Variants in ATP8B4 observed in about 807,000 individuals in gnomAD.
ATP8B4 encodes ATPase phospholipid transporting 8B4 (putative).
A neutral mutation model predicts 145.6 loss-of-function variants in ATP8B4; 133 were observed. That is an observed-to-expected ratio of 0.91 (90% CI 0.79 to 1.05). The LOEUF (loss-of-function observed/expected upper bound fraction) is 1.05. Ranked by LOEUF, ATP8B4 falls within the 50% of genes least tolerant of loss-of-function variation. ATP8B4 has a pLI of 0.00. For missense variants in ATP8B4, 1,458 were observed against 1,425.2 expected (o/e 1.02, Z -0.37); for synonymous variants, 507 against 492.9 (o/e 1.03, Z -0.38).
Position 50,044,593 on chromosome 15 carries a change from C to G in ATP8B4, c.300+1G>C. 6.2e-7 allele frequency: 1 copy of G among 1,600,378 alleles called. No individual in the cohort carries two copies. The highest frequency in any genetic ancestry group is 8.6e-7 in the Non-Finnish European group (1 of 1,168,534). ...AAGAATGCTCAAGAGCAAATACTCA[C>G]ATAGTCATCTGTGGCATCTTTGACA... On this transcript the variant is annotated splice_donor_variant, in intron 5 of 27. Coordinates refer to ENST00000284509, the MANE Select transcript of ATP8B4 (RefSeq NM_024837.4). LOFTEE classifies it high-confidence loss of function.
At chr15:50,070,977 G>A (rs910683215) in intron 3 of ATP8B4, among the ~76,000 whole-genome samples, 20 of 152,026 alleles carry the variant, frequency 1.3e-4, no homozygotes, top group Admixed American at 2.0e-4. Context: ...TCCTGACCTC[G>A]TGATCCACCC....
chr15:50,144,078 T>C (rs972423217), intron 1 of ATP8B4, among the ~76,000 whole-genome samples: 6 of 152,166 alleles, frequency 3.9e-5, no homozygotes, highest in Non-Finnish European at 7.3e-5. Context: ...GGTCCCTTTG[T>C]TTTACCAAAG....
chr15:50,128,509 C>T (rs756575323), intron 1 of ATP8B4, among the ~76,000 whole-genome samples: 27 of 152,188 alleles, frequency 1.8e-4, no homozygotes, highest in African/African-American at 4.8e-5. Flanking sequence ...ATCCAGAGGA[C>T]CTGGCATGGA....
At chr15:49,907,524 C>T (rs1406466212) in intron 20 of ATP8B4, among the ~76,000 whole-genome samples, 1 of 152,132 alleles carries the variant, frequency 6.6e-6, no homozygotes, top group African/African-American at 2.4e-5. Flanking sequence ...AGATTGGGAT[C>T]AGTGGCTGAA....
intron 7 of ATP8B4, among the ~76,000 whole-genome samples, chr15:50,006,489 CAA>C (rs750033683): frequency 5.0e-4 from 24 of 47,840 alleles, no homozygotes; most frequent in African/African-American, 1.4e-3. Flanking sequence ...ATGAGACCAC[CAA>C]AAAAAAAAAA....
chr15:50,072,546 G>C (rs942474224), intron 3 of ATP8B4, among the ~76,000 whole-genome samples: 3 of 151,976 alleles, frequency 2.0e-5, no homozygotes, highest in Non-Finnish European at 2.9e-5. Flanking sequence ...CACTTAAACT[G>C]TTCAGTACAA....
chr15:50,157,760 C>T (rs540142398), intron 1 of ATP8B4, among the ~76,000 whole-genome samples: 9 of 152,134 alleles, frequency 5.9e-5, no homozygotes, highest in East Asian at 3.9e-4. Context: ...CCTCTCCCCA[C>T]GGTCTCCCTC....
intron 3 of ATP8B4, among the ~76,000 whole-genome samples, chr15:50,064,238 C>T (rs2053224435): frequency 6.6e-6 from 1 of 152,104 alleles, no homozygotes; most frequent in Admixed American, 6.6e-5. Flanking sequence ...ACAATGATGT[C>T]ACCATCTATA....
At chr15:50,016,906 T>C (rs2049133493) in intron 6 of ATP8B4, among the ~76,000 whole-genome samples, 1 of 152,226 alleles carries the variant, frequency 6.6e-6, no homozygotes. Context: ...CATGTATTTA[T>C]AACATTCCCT....
rs190563777 is a variant in ATP8B4 at position 49,897,037 on chromosome 15, T to C, written c.2697+255A>G. ...AAAAACATTTCAACAAAAACTAAAG[T>C]ATGCATGGAAGGAGTACTCACTGGT... On this transcript the variant is annotated intron_variant, in intron 23 of 27. Coordinates refer to ENST00000284509, the MANE Select transcript of ATP8B4 (RefSeq NM_024837.4). The C allele has an allele frequency of 4.3e-4, 163 of 379,682 alleles. No homozygotes were observed. The East Asian group carries it at 6.1e-3, about 14-fold the overall frequency. 23.5% of individuals were successfully genotyped at this position (379,682 alleles called of 1,614,324 possible).
rs556577521 is a variant in ATP8B4 at position 49,931,903 on chromosome 15, C to T, written c.1454-596G>A. ...AAGAAATCAAACCAGGATATTAATA[C>T]TTGTTACCTGATATTATGTGTAGTT... is the stretch of plus-strand genomic sequence containing the variant. On this transcript the variant is annotated intron_variant, in intron 15 of 27. Coordinates refer to ENST00000284509, the MANE Select transcript of ATP8B4 (RefSeq NM_024837.4). Among the ~76,000 whole-genome samples the T allele has an allele frequency of 6.6e-5, 10 of 151,742 alleles. No homozygotes were observed. The South Asian group carries it at 1.5e-3, about 22-fold the overall frequency.
At chr15:49,970,647 C>T (rs1327357486) in intron 13 of ATP8B4, among the ~76,000 whole-genome samples, 1 of 152,116 alleles carries the variant, frequency 6.6e-6, no homozygotes, top group African/African-American at 2.4e-5. Context: ...GGAAAACATC[C>T]CATGCTCATG....
chr15:50,040,092 C>G (rs2051157370), intron 5 of ATP8B4, among the ~76,000 whole-genome samples: 3 of 152,224 alleles, frequency 2.0e-5, no homozygotes, highest in Admixed American at 2.0e-4. Context: ...TCCACCATAT[C>G]TACACAGCAT....
chr15:50,066,003 G>GAA (rs67307430), intron 3 of ATP8B4, among the ~76,000 whole-genome samples: 6 of 106,138 alleles, frequency 5.7e-5, no homozygotes, highest in African/African-American at 2.1e-4. Flanking sequence ...TCAGAGGCCA[G>GAA]AAAAAAAAAA....
At position 50,080,595 on chromosome 15, in the gene ATP8B4, G is replaced by C. The variant is rs144844335; in HGVS notation, c.29-6410C>G. ...AGAGGGACATAATACTATCTTGCTA[G>C]AATTTTTTTTTTTAATAAGTAGAGA... On this transcript the variant is annotated intron_variant, in intron 2 of 27. Coordinates refer to ENST00000284509, the MANE Select transcript of ATP8B4 (RefSeq NM_024837.4). Among the ~76,000 whole-genome samples, 73 of 151,732 alleles carry C rather than the reference G, an allele frequency of 4.8e-4. No homozygotes were observed. The East Asian group carries it at 7.8e-3, about 16-fold the overall frequency.
At chr15:50,085,938 T>G (rs1308251771) in intron 2 of ATP8B4, among the ~76,000 whole-genome samples, 1 of 75,370 alleles carries the variant, frequency 1.3e-5, no homozygotes, top group African/African-American at 7.5e-5. Flanking sequence ...CATATATATT[T>G]ATATATGATA....
chr15:49,937,835 A>G (rs2041858713), intron 14 of ATP8B4, among the ~76,000 whole-genome samples: 1 of 152,214 alleles, frequency 6.6e-6, no homozygotes, highest in Non-Finnish European at 1.5e-5. Context: ...GCTTTGAAAT[A>G]GGCAGTGAAC....
intron 6 of ATP8B4, among the ~76,000 whole-genome samples, chr15:50,037,878 G>C (rs557942891): frequency 6.6e-6 from 1 of 152,166 alleles, no homozygotes; most frequent in Admixed American, 6.5e-5. Flanking sequence ...CAATATTTTA[G>C]TTATAGAGAT....
Position 50,044,645 on chromosome 15 carries a change from A to G in ATP8B4, c.249T>C (p.Pro83=). The G allele has an allele frequency of 1.2e-6, 2 of 1,613,568 alleles. No individual in the cohort carries two copies. Among genetic ancestry groups the G allele is most frequent in the Non-Finnish European group, 1.7e-6 (2 of 1,179,704 alleles). ...SSLTWFTTIV[P]LVLVITMTAV... ...CTGTCATAGTTATCACCAGGACCAAAGGCACAATGGTGGTAAACCAGGTCA... is the reference window on the plus strand; with the variant it reads ...CTGTCATAGTTATCACCAGGACCAAGGGCACAATGGTGGTAAACCAGGTCA... Residue 83 remains proline (P), a synonymous_variant, in exon 5 of 28, where the codon CCT becomes CCC. Transcript: ENST00000284509.
Sources: gnomAD v4.1 joint callset for allele counts (sites outside exome capture counted in the v4.1 genomes callset) on GRCh38, gnomAD v4.1.1 for gene constraint, MANE v1.5 for transcripts, NCBI Gene and HGNC (gene_info 2026-07-23, HGNC 2026-07-21) for gene names.